Variants in CKAP2 observed in about 807,000 individuals in gnomAD.
The protein encoded by CKAP2 is cytoskeleton-associated protein 2.
Under a neutral mutation model 58.4 loss-of-function variants are expected in CKAP2, and 46 were observed. That is an observed-to-expected ratio of 0.79 (90% CI 0.62 to 1.01). CKAP2 has a LOEUF of 1.01. Ranked by LOEUF, CKAP2 falls within the 50% of genes least tolerant of loss-of-function variation. The pLI, the probability that CKAP2 is intolerant of heterozygous loss-of-function variation, is 0.00. For synonymous variants in CKAP2, 293 were observed against 280.9 expected (o/e 1.04, Z -0.43); for missense variants, 809 against 796.4 (o/e 1.02, Z -0.19).
At chr13:52,465,969 ACACATATATG>A (rs779548170) in intron 6 of CKAP2, 128 of 238,394 alleles carry the variant, frequency 5.4e-4, no homozygotes, top group Non-Finnish European at 8.2e-4. Context: ...ACATATATAC[ACACATATATG>A]CACACATATA....
chr13:52,466,937 A>G (rs374570533), intron 6 of CKAP2, among the ~76,000 whole-genome samples: 1 of 151,994 alleles, frequency 6.6e-6, no homozygotes, highest in Non-Finnish European at 1.5e-5. Flanking sequence ...ATCTCTGCAA[A>G]AAATAAAATT....
chr13:52,462,140 T>TTAA (rs1213383611), intron 4 of CKAP2, among the ~76,000 whole-genome samples: 2 of 152,212 alleles, frequency 1.3e-5, no homozygotes, highest in Non-Finnish European at 2.9e-5. Flanking sequence ...AGGTAAATGC[T>TTAA]TAATAATAAT....
intron 1 of CKAP2, chr13:52,456,125 C>T (rs904337033): frequency 2.0e-6 from 2 of 1,023,150 alleles, no homozygotes; most frequent in African/African-American, 1.7e-5. Flanking sequence ...TTGTTATTCC[C>T]TTATTCTACA....
In CKAP2 at chr13:52,468,301, G is replaced by A. The variant is rs766203069; in HGVS notation, c.1500G>A (p.Thr500=). ...GAQPIEEMRH[T]IVDILTMKSQ... ...AGCCTATTGAAGAGATGCGACACACGATTGTAGATATTCTAACAATGAAGA... is the reference window on the plus strand; with the variant it reads ...AGCCTATTGAAGAGATGCGACACACAATTGTAGATATTCTAACAATGAAGA... Residue 500 remains threonine (T), a synonymous_variant, in exon 7 of 9, where the codon ACG becomes ACA. Coordinates refer to ENST00000258607, the MANE Select transcript of CKAP2 (RefSeq NM_018204.5). The A allele has an allele frequency of 1.0e-5, 16 of 1,599,268 alleles. No homozygotes were observed. The highest frequency in any genetic ancestry group is 5.2e-5 in the Admixed American group (3 of 58,030).
intron 1 of CKAP2, 22 bp downstream of exon 1, chr13:52,455,648 GC>G: frequency 1.0e-5 from 3 of 288,010 alleles, no homozygotes; most frequent in Non-Finnish European, 1.6e-5. Flanking sequence ...GGTGGCGGTG[GC>G]GGTGGCGGTG....
intron 8 of CKAP2, 62 bp from the exon 9 acceptor site, chr13:52,474,833 G>A (rs1958806095): frequency 4.0e-6 from 6 of 1,501,578 alleles, no homozygotes; most frequent in Non-Finnish European, 3.6e-6. Flanking sequence ...TACATATCAT[G>A]AAAGTACAGA....
At chr13:52,456,039 T>G (rs1958474383) in intron 1 of CKAP2, 1 of 1,038,486 alleles carries the variant, frequency 9.6e-7, no homozygotes. Context: ...GGTCGCATCA[T>G]GTGTTATTTC....
intron 2 of CKAP2, 128 bp downstream of exon 2, chr13:52,456,735 A>G (rs1227946473): frequency 1.5e-6 from 1 of 672,190 alleles, no homozygotes; most frequent in Non-Finnish European, 2.6e-6. Flanking sequence ...CTGCTTACAT[A>G]TTATTTTACG....
chr13:52,464,518 A>C (rs1227532545), intron 5 of CKAP2, among the ~76,000 whole-genome samples: 8 of 141,718 alleles, frequency 5.6e-5, no homozygotes, highest in African/African-American at 1.3e-4. Context: ...GTGCCGTTGC[A>C]CTCCAGCCTG....
chr13:52,457,204 G>T (rs7339070), intron 2 of CKAP2, among the ~76,000 whole-genome samples: 2,605 of 152,076 alleles, frequency 0.017, 73 homozygotes, highest in Admixed American at 0.08. Context: ...CTAGATTATC[G>T]TTTTCTACGT....
intron 2 of CKAP2, 21 bp downstream of exon 2, chr13:52,456,628 TTTCAC>T: frequency 6.4e-7 from 1 of 1,550,838 alleles, no homozygotes; most frequent in Non-Finnish European, 8.9e-7. Flanking sequence ...GTTTATTTCT[TTTCAC>T]TTCTGTAAAA....
intron 2 of CKAP2, 139 bp from the exon 3 acceptor site, chr13:52,460,760 C>A: frequency 1.2e-6 from 1 of 803,438 alleles, no homozygotes; most frequent in Non-Finnish European, 1.9e-6. Flanking sequence ...CCGCTTAGGA[C>A]AAATTTCAAC....
At position 52,456,505 on chromosome 13, in the gene CKAP2, C is replaced by G. The variant is rs199906555; in HGVS notation, c.71-18C>G. On this transcript the variant is annotated intron_variant, in intron 1 of 8. Transcript: ENST00000258607. ...TTTTAACTAATATTGACTTGTAGCT[C>G]TTACCTTTGTTATCTAGAGCAAAGA... The G allele has an allele frequency of 1.3e-6, 2 of 1,579,716 alleles. No homozygotes were observed. Among genetic ancestry groups the G allele is most frequent in the Non-Finnish European group, 1.7e-6 (2 of 1,154,026 alleles).
At position 52,460,912 on chromosome 13, in the gene CKAP2, G is replaced by A; in HGVS notation, c.169G>A (p.Val57Ile). The A allele has an allele frequency of 6.2e-7, 1 of 1,613,274 alleles. No individual in the cohort carries two copies. Among genetic ancestry groups the A allele is most frequent in the Non-Finnish European group, 8.5e-7 (1 of 1,179,806 alleles). ...GTTTTTAAGTAGTAGAGATCAGAGA[G>A]TTGTGACATCTGAGGACCAAGTTCA... ...NEMLSSRDQR[V>I]VTSEDQVQEG... is the part of the protein sequence containing the mutation. Residue 57 changes from valine to isoleucine, a missense_variant, in exon 3 of 9, where the codon GTT becomes ATT. This residue lies in a region of CKAP2 where 523 missense variants were observed against 492.4 expected (regional missense o/e 1.06). Transcript: ENST00000258607.
At position 52,474,943 on chromosome 13, in the gene CKAP2, G is replaced by A. The variant is rs41292822; in HGVS notation, c.1851G>A (p.Glu617=). 6,080 of 1,613,204 alleles carry A rather than the reference G, an allele frequency of 3.8e-3. 14 individuals are homozygous for A. Among genetic ancestry groups the A allele is most frequent in the South Asian group, 5.2e-3 (478 of 91,052 alleles). The part of the protein sequence containing the change: ...QFDGTNSAFK[E]LKFLTPVRRS... The stretch of plus-strand genomic sequence containing the variant: ...ATGGAACAAATTCCGCATTTAAAGA[G>A]CTGAAGTTTTTAACACCAGTGAGAC... Residue 617 remains glutamate (E), a synonymous_variant, in exon 9 of 9, where the codon GAG becomes GAA. Transcript: ENST00000258607.
chr13:52,469,585 A>ATTTTTTTTTTTT, intron 7 of CKAP2, among the ~76,000 whole-genome samples: 1 of 144,084 alleles, frequency 6.9e-6, no homozygotes, highest in Non-Finnish European at 1.5e-5. Context: ...ATATTTATTT[A>ATTTTTTTTTTTT]TTTATTTATT....
chr13:52,473,971 A>C lies in CKAP2; in HGVS notation c.1689A>C (p.Lys563Asn), dbSNP rs747841215. 2 of 1,614,136 alleles carry C rather than the reference A, an allele frequency of 1.2e-6. No homozygotes were observed. Among genetic ancestry groups the C allele is most frequent in the Admixed American group, 1.7e-5 (1 of 60,028 alleles). The change falls in exon 8 of 9, where the codon AAA becomes AAC. Residue 563 changes from lysine (K) to asparagine (N), a missense_variant. By Grantham distance (94) the Lys-to-Asn change is moderately conservative. Coordinates refer to ENST00000258607, the MANE Select transcript of CKAP2 (RefSeq NM_018204.5). Reference sequence around the variant, plus strand: ...ATTTGCTATTTCAAGATTGTGAAAAAGAGCAAGACAACAAAACAAAAGATC... The same window carrying C: ...ATTTGCTATTTCAAGATTGTGAAAACGAGCAAGACAACAAAACAAAAGATC... ...HRNLLFQDCE[K>N]EQDNKTKDPT...
intron 2 of CKAP2, among the ~76,000 whole-genome samples, chr13:52,458,245 G>T (rs1453384774): frequency 1.3e-5 from 2 of 152,080 alleles, no homozygotes; most frequent in African/African-American, 4.8e-5. Context: ...TAGGAGTTCT[G>T]TTTTGACTAT....
At chr13:52,457,820 C>T (rs904057170) in intron 2 of CKAP2, among the ~76,000 whole-genome samples, 3 of 151,658 alleles carry the variant, frequency 2.0e-5, no homozygotes, top group Admixed American at 1.3e-4. Flanking sequence ...TGCCATTGCA[C>T]TCCAGCCTGG....
Sources: gnomAD v4.1 joint callset for allele counts (sites outside exome capture counted in the v4.1 genomes callset) on GRCh38, gnomAD v4.1.1 for gene constraint, gnomAD v4.1.1 regional missense constraint, MANE v1.5 for transcripts, NCBI Gene and HGNC (gene_info 2026-07-23, HGNC 2026-07-21) for gene names.